WDR41: variants seen among roughly 807,000 people sequenced by gnomAD.
WDR41 encodes the protein WD repeat domain 41, also known as WD repeat-containing protein 41.
In WDR41, 63 loss-of-function variants were observed where a neutral mutation model predicts 69.3. That is an observed-to-expected ratio of 0.91 (90% CI 0.74 to 1.12). The LOEUF is 1.12. WDR41 is among the 50% of genes most tolerant of loss of function. The pLI, the probability that WDR41 is intolerant of heterozygous loss-of-function variation, is 0.00. For missense variants in WDR41, 543 were observed against 534.5 expected, an observed-to-expected ratio of 1.02 and a Z score of -0.16; for synonymous variants, 185 against 192.1, an observed-to-expected ratio of 0.96 and a Z score of 0.31.
chr5:77,470,874 C>CAG (rs138973154), intron 2 of WDR41, among the ~76,000 whole-genome samples: 92,741 of 151,530 alleles, frequency 0.61, 30,160 homozygotes, highest in African/African-American at 0.84. Context: ...ATCAACAAGA[C>CAG]AAAGTTAACA....
intron 2 of WDR41, among the ~76,000 whole-genome samples, chr5:77,484,126 T>C (rs1412119328): frequency 1.3e-5 from 2 of 152,202 alleles, no homozygotes; most frequent in African/African-American, 4.8e-5. Flanking sequence ...TATCCTAAAA[T>C]TTGATTCTAT....
At chr5:77,561,002 T>TGC (rs1743513531) in intron 1 of WDR41, among the ~76,000 whole-genome samples, 2 of 152,210 alleles carry the variant, frequency 1.3e-5, no homozygotes, top group Non-Finnish European at 2.9e-5. Context: ...GTTTCTGAAA[T>TGC]GGCATATTCT....
At chr5:77,489,197 TTAAGAA>T (rs1257329087) in intron 2 of WDR41, among the ~76,000 whole-genome samples, 2 of 152,156 alleles carry the variant, frequency 1.3e-5, no homozygotes, top group East Asian at 1.9e-4. Context: ...TTTTAAACTA[TTAAGAA>T]TATTTCTGAG....
At chr5:77,471,747 T>C (rs769861757) in intron 2 of WDR41, among the ~76,000 whole-genome samples, 3 of 152,154 alleles carry the variant, frequency 2.0e-5, no homozygotes, top group Non-Finnish European at 2.9e-5. Context: ...AATCTCTGAA[T>C]AGACCAATAA....
intron 1 of WDR41, 100 bp from the exon 2 acceptor site, chr5:77,489,672 T>G: frequency 1.6e-6 from 1 of 607,610 alleles, no homozygotes; most frequent in East Asian, 2.8e-5. Flanking sequence ...GGTATACATC[T>G]GAGAACACAA....
chr5:77,575,953 G>A lies in WDR41; in HGVS notation c.42+44526C>T, dbSNP rs568108146. Among the ~76,000 whole-genome samples the A allele has an allele frequency of 4.6e-5, 7 of 152,282 alleles. No homozygotes were observed. The South Asian group carries it at 1.5e-3, about 32-fold the overall frequency. ...TAAAGTGACAAAGCTAATGTCTGTG[G>A]TTCTGAGTACTCCGCTGACAGGCAG... is the stretch of plus-strand genomic sequence containing the variant. On this transcript the variant is annotated intron_variant, in intron 1 of 5. Coordinates refer to the WDR41 transcript ENST00000509971.
chr5:77,588,509 C>T (rs987292626), intron 1 of WDR41, among the ~76,000 whole-genome samples: 1 of 151,740 alleles, frequency 6.6e-6, no homozygotes, highest in Non-Finnish European at 1.5e-5. Flanking sequence ...TTGGATATTT[C>T]CTTTTTTGGA....
chr5:77,492,484 T>G (rs1299572615), upstream of WDR41: 10 of 419,780 alleles, frequency 2.4e-5, no homozygotes, highest in East Asian at 3.8e-4. Context: ...CTGCGGCGAT[T>G]GCGGGGCGCG....
At chr5:77,512,355 A>AGTGTGT (rs111485869) in intron 1 of WDR41, among the ~76,000 whole-genome samples, 84 of 119,378 alleles carry the variant, frequency 7.0e-4, no homozygotes, top group Non-Finnish European at 8.5e-4. Context: ...AGAGAGAGTG[A>AGTGTGT]GTGTGTGTGT....
At chr5:77,601,729 G>T (rs988850952) in intron 1 of WDR41, among the ~76,000 whole-genome samples, 1 of 152,152 alleles carries the variant, frequency 6.6e-6, no homozygotes, top group East Asian at 1.9e-4. Flanking sequence ...CTCCCTCAGA[G>T]ACACAGAATG....
At chr5:77,510,533 G>C (rs11741097) in intron 1 of WDR41, among the ~76,000 whole-genome samples, 52,234 of 151,960 alleles carry the variant, frequency 0.34, 9,006 homozygotes, top group Admixed American at 0.36. Context: ...TGGCTATTGG[G>C]TGGGTCAGCA....
At chr5:77,561,194 G>T (rs1479406432) in intron 1 of WDR41, among the ~76,000 whole-genome samples, 1 of 152,062 alleles carries the variant, frequency 6.6e-6, no homozygotes, top group Non-Finnish European at 1.5e-5. Flanking sequence ...CTAAGCTTTT[G>T]CCTCATCCCC....
At chr5:77,588,290 C>T (rs1428947307) in intron 1 of WDR41, among the ~76,000 whole-genome samples, 1 of 151,988 alleles carries the variant, frequency 6.6e-6, no homozygotes, top group Non-Finnish European at 1.5e-5. Context: ...CCATGAAGTC[C>T]AATATCTCAT....
intron 12 of WDR41, among the ~76,000 whole-genome samples, chr5:77,433,611 T>C (rs1216823750): frequency 6.6e-6 from 1 of 152,186 alleles, no homozygotes; most frequent in East Asian, 1.9e-4. Flanking sequence ...ATAATGGCTA[T>C]GGAAAAAATG....
chr5:77,474,963 C>A (rs988832261), intron 2 of WDR41, among the ~76,000 whole-genome samples: 1 of 152,132 alleles, frequency 6.6e-6, no homozygotes, highest in Non-Finnish European at 1.5e-5. Flanking sequence ...GTGCGTGCAC[C>A]GTGCGCGAGC....
chr5:77,583,029 T>C, intron 1 of WDR41: 1 of 1,598,322 alleles, frequency 6.3e-7, no homozygotes, highest in Non-Finnish European at 8.5e-7. Flanking sequence ...CTCCACGAGG[T>C]GGAATGAAGA....
chr5:77,596,963 T>A (rs76840617), intron 1 of WDR41, among the ~76,000 whole-genome samples: 2 of 151,098 alleles, frequency 1.3e-5, no homozygotes, highest in African/African-American at 4.9e-5. Context: ...ACAAAAAAAA[T>A]ACAGAAAATT....
intron 12 of WDR41, among the ~76,000 whole-genome samples, chr5:77,434,750 AT>A (rs1798874578): frequency 6.6e-6 from 1 of 152,110 alleles, no homozygotes; most frequent in Non-Finnish European, 1.5e-5. Flanking sequence ...GATAGCCTAG[AT>A]TTTATCAACG....
At chr5:77,550,913 A>G (rs1267694146) in intron 1 of WDR41, among the ~76,000 whole-genome samples, 1 of 152,240 alleles carries the variant, frequency 6.6e-6, no homozygotes, top group Non-Finnish European at 1.5e-5. Context: ...ATATAAAGGA[A>G]TAAAGTCATG....
Sources: gnomAD v4.1 joint callset for allele counts (sites outside exome capture counted in the v4.1 genomes callset) on GRCh38, gnomAD v4.1.1 for gene constraint, MANE v1.5 for transcripts, NCBI Gene and HGNC (gene_info 2026-07-23, HGNC 2026-07-21) for gene names.